The following CCDC69 variants were observed in gnomAD, a reference collection of about 807,000 sequenced individuals.
The protein encoded by CCDC69 is coiled-coil domain containing 69, also known as coiled-coil domain-containing protein 69.
Under a neutral mutation model 40.3 loss-of-function variants are expected in CCDC69, and 38 were observed. The observed-to-expected ratio is 0.94, with a 90% CI of 0.73 to 1.24. The LOEUF is 1.24. Among genes scored for constraint, CCDC69 ranks in the 50% most tolerant of loss-of-function variants. CCDC69 has a pLI of 0.00. For synonymous variants in CCDC69, 141 were observed against 138.9 expected, an observed-to-expected ratio of 1.02 and a Z score of -0.11; for missense variants, 389 against 357.9, an observed-to-expected ratio of 1.09 and a Z score of -0.70.
At chr5:151,201,161 G>A (rs182972795) in intron 3 of CCDC69, among the ~76,000 whole-genome samples, 13 of 152,258 alleles carry the variant, frequency 8.5e-5, no homozygotes, top group Middle Eastern at 3.4e-3. Flanking sequence ...CAACAGTCCC[G>A]TCACTTAGCT....
intron 4 of CCDC69, among the ~76,000 whole-genome samples, chr5:151,189,153 T>G (rs1752568557): frequency 6.6e-6 from 1 of 152,124 alleles, no homozygotes; most frequent in Admixed American, 6.5e-5. Context: ...TTTATGGTAA[T>G]CAATGTAAAA....
chr5:151,215,379 T>TTG (rs1398595182), intron 1 of CCDC69, among the ~76,000 whole-genome samples: 1 of 152,200 alleles, frequency 6.6e-6, no homozygotes, highest in Non-Finnish European at 1.5e-5. Flanking sequence ...TGGCATGGAA[T>TTG]TGTGCAATGG....
intron 4 of CCDC69, 197 bp downstream of exon 4, chr5:151,198,800 G>A (rs184492181): frequency 1.8e-5 from 9 of 488,318 alleles, no homozygotes; most frequent in African/African-American, 1.7e-4. Context: ...AAAGGTTGAT[G>A]CCAGCCTCTT....
chr5:151,182,807 T>C lies in CCDC69; in HGVS notation c.*630A>G. On this transcript the variant is annotated 3_prime_UTR_variant, in exon 9 of 9. Coordinates refer to ENST00000355417, the MANE Select transcript of CCDC69 (RefSeq NM_015621.3). ...TGATGCCTCAGCTGGGGAGGCTGCC[T>C]GGCCCTGTCAGCCCCAAGGGCCTTC... is the stretch of plus-strand genomic sequence containing the variant. The C allele has an allele frequency of 2.9e-6, 1 of 342,770 alleles. No individual in the cohort carries two copies. Among genetic ancestry groups the C allele is most frequent in the Non-Finnish European group, 5.8e-6 (1 of 172,428 alleles). 21.2% of individuals were successfully genotyped at this position (342,770 alleles called of 1,614,324 possible). A position where few individuals can be genotyped will look rare whatever the true frequency, so the allele number is the denominator to read the frequency against.
chr5:151,223,877 A>G, intron 1 of CCDC69, 46 bp downstream of exon 1: 1 of 1,574,358 alleles, frequency 6.4e-7, no homozygotes, highest in East Asian at 2.5e-5. Context: ...GCGATTCCGC[A>G]CTCCCCTCTC....
intron 4 of CCDC69, among the ~76,000 whole-genome samples, chr5:151,192,834 C>A (rs953572308): frequency 1.3e-5 from 2 of 152,104 alleles, no homozygotes; most frequent in African/African-American, 4.8e-5. Flanking sequence ...GCCAGGAATG[C>A]AAGGCTAGTT....
rs140091951 is a variant in CCDC69 at position 151,183,679 on chromosome 5, C to T, written c.714-65G>A. ...CAGCTGCCACAGAGACCAACCCATT[C>T]CCCCAGGAAGCCTTCCTTAGATGGA... On this transcript the variant is annotated intron_variant, in intron 8 of 8. Coordinates refer to ENST00000355417, the MANE Select transcript of CCDC69 (RefSeq NM_015621.3). The T allele has an allele frequency of 7.3e-3, 10,552 of 1,446,286 alleles. 51 individuals are homozygous for T. The highest frequency in any genetic ancestry group is 0.011 in the Admixed American group (517 of 46,444). The allele number at this position is 1,446,286 out of a possible 1,614,324, so 89.6% of individuals were successfully genotyped here.
Position 151,205,387 on chromosome 5 carries a change from G to C in CCDC69, c.124+13C>G. ...AGATGGCAGTTGGGGCCTTTGTGGG[G>C]CTGGCTACTCACCTGTGTCCCCATT... is the stretch of plus-strand genomic sequence containing the variant. On this transcript the variant is annotated intron_variant, in intron 2 of 8. Coordinates refer to ENST00000355417, the MANE Select transcript of CCDC69 (RefSeq NM_015621.3). The C allele has an allele frequency of 6.2e-7, 1 of 1,609,212 alleles. No individual in the cohort carries two copies. The highest frequency in any genetic ancestry group is 8.5e-7 in the Non-Finnish European group (1 of 1,175,578).
intron 3 of CCDC69, 127 bp from the exon 4 acceptor site, chr5:151,199,211 A>G (rs1156524256): frequency 1.3e-6 from 1 of 755,116 alleles, no homozygotes; most frequent in African/African-American, 1.7e-5. Flanking sequence ...AGGGATGGGA[A>G]TGACACGCCC....
intron 1 of CCDC69, among the ~76,000 whole-genome samples, chr5:151,214,204 G>A (rs1426078161): frequency 1.3e-5 from 2 of 152,204 alleles, no homozygotes; most frequent in East Asian, 3.8e-4. Flanking sequence ...AAGGGGCTCA[G>A]GTCACACCCT....
chr5:151,211,165 T>A (rs1295261937), intron 1 of CCDC69: 1 of 152,082 alleles, frequency 6.6e-6, no homozygotes, highest in Non-Finnish European at 1.5e-5. Flanking sequence ...CCGTGACGCG[T>A]GGTTAGGTCT....
At chr5:151,186,925 A>C (rs113270088) in intron 5 of CCDC69, among the ~76,000 whole-genome samples, 4,951 of 152,092 alleles carry the variant, frequency 0.033, 116 homozygotes, top group Non-Finnish European at 0.047. Flanking sequence ...TTTTTCCTCC[A>C]TGTCTTTGAA....
chr5:151,207,963 A>T (rs1249633697), intron 1 of CCDC69, among the ~76,000 whole-genome samples: 1 of 152,216 alleles, frequency 6.6e-6, no homozygotes, highest in African/African-American at 2.4e-5. Context: ...TTAAAAAACA[A>T]GTCAGGCCTG....
At position 151,223,944 on chromosome 5, in the gene CCDC69, G is replaced by A. The variant is rs1363416124; in HGVS notation, c.27C>T (p.Ser9=). The A allele has an allele frequency of 1.9e-6, 3 of 1,576,682 alleles. No individual in the cohort carries two copies. Among genetic ancestry groups the A allele is most frequent in the African/African-American group, 2.8e-5 (2 of 70,804 alleles). The change falls in exon 1 of 9, where the codon AGC becomes AGT. Residue 9 remains serine (S), a synonymous_variant. Transcript: ENST00000355417. ...TTACCTTTTTCGGGGGTTTGCAGCTGCTCAGCCTGCTGTGTCTGCAGCCCA... is the reference window on the plus strand; with the variant it reads ...TTACCTTTTTCGGGGGTTTGCAGCTACTCAGCCTGCTGTGTCTGCAGCCCA... The part of the protein sequence containing the change: MGCRHSRL[S]SCKPPKKKRQ...
intron 2 of CCDC69, among the ~76,000 whole-genome samples, chr5:151,205,136 C>CT (rs1186205802): frequency 6.6e-6 from 1 of 151,580 alleles, no homozygotes; most frequent in African/African-American, 2.4e-5. Context: ...TTCCATTGTA[C>CT]TCCCTCCAAT....
At chr5:151,186,267 A>G in intron 5 of CCDC69, 143 bp from the exon 6 acceptor site, 1 of 649,574 alleles carries the variant, frequency 1.5e-6, no homozygotes, top group Non-Finnish European at 2.8e-6. Context: ...ACATCAACAT[A>G]CTTCGACCAC....
intron 1 of CCDC69, among the ~76,000 whole-genome samples, chr5:151,206,654 C>T (rs1256176942): frequency 2.0e-5 from 3 of 150,856 alleles, no homozygotes; most frequent in Non-Finnish European, 4.4e-5. Context: ...GATCTCGGCT[C>T]ACTGCAACCT....
intron 2 of CCDC69, among the ~76,000 whole-genome samples, chr5:151,202,675 C>G (rs1752791747): frequency 6.6e-6 from 1 of 152,174 alleles, no homozygotes; most frequent in Non-Finnish European, 1.5e-5. Context: ...TTAGCGTCTC[C>G]TCAGCTGGTA....
intron 4 of CCDC69, among the ~76,000 whole-genome samples, 158 bp from the exon 5 acceptor site, chr5:151,187,617 T>G (rs146109650): frequency 0.023 from 3,496 of 152,248 alleles, 62 homozygotes; most frequent in Middle Eastern, 0.075. Flanking sequence ...CTAGGCTTGC[T>G]TGGGGGCTGT....
Sources: gnomAD v4.1 joint callset for allele counts (sites outside exome capture counted in the v4.1 genomes callset) on GRCh38, gnomAD v4.1.1 for gene constraint, MANE v1.5 for transcripts, NCBI Gene and HGNC (gene_info 2026-07-23, HGNC 2026-07-21) for gene names.